HOOK1: variants seen among roughly 807,000 people sequenced by gnomAD.
The protein encoded by HOOK1 is hook microtubule tethering protein 1.
In HOOK1, 60 loss-of-function variants were observed where a neutral mutation model predicts 112.8. The ratio of observed to expected loss-of-function variants is 0.53; its 90% CI spans 0.43 to 0.66. The LOEUF is 0.66. HOOK1 is among the 30% of genes least tolerant of loss of function. The pLI, the probability that HOOK1 is intolerant of heterozygous loss-of-function variation, is 0.00. For missense variants in HOOK1, 770 were observed against 856.0 expected (o/e 0.90, Z 1.25); for synonymous variants, 294 against 283.8 (o/e 1.04, Z -0.36).
At chr1:59,820,200 C>T (rs1356741079) in intron 1 of HOOK1, among the ~76,000 whole-genome samples, 2 of 152,170 alleles carry the variant, frequency 1.3e-5, no homozygotes, top group African/African-American at 4.8e-5. Context: ...TTTCTAGGCC[C>T]TATACTTGGA....
chr1:59,835,450 A>C, intron 6 of HOOK1, 38 bp downstream of exon 6: 1 of 1,173,180 alleles, frequency 8.5e-7, no homozygotes, highest in Non-Finnish European at 1.2e-6. Flanking sequence ...TAAAAATCCT[A>C]AACCAAATTA....
chr1:59,822,825 G>A (rs946886973), intron 2 of HOOK1, among the ~76,000 whole-genome samples: 1 of 152,136 alleles, frequency 6.6e-6, no homozygotes, highest in African/African-American at 2.4e-5. Flanking sequence ...TCCTATGCCT[G>A]TCTTAGAAAA....
chr1:59,821,824 A>C lies in HOOK1; in HGVS notation c.64-34A>C. Reference sequence around the variant, plus strand: ...GTAATGCTACCTTGTAGGTATAAAGAAGCAGTAAGATCATTTGATTTATGT... The same window carrying C: ...GTAATGCTACCTTGTAGGTATAAAGCAGCAGTAAGATCATTTGATTTATGT... On this transcript the variant is annotated intron_variant, in intron 1 of 21. Transcript: ENST00000371208. 2.8e-6 allele frequency: 4 copies of C among 1,434,084 alleles called. No homozygotes were observed. The South Asian group carries it at 5.3e-5, about 19-fold the overall frequency. 88.8% of individuals were successfully genotyped at this position (1,434,084 alleles called of 1,614,324 possible).
intron 15 of HOOK1, among the ~76,000 whole-genome samples, chr1:59,861,773 G>T (rs909713161): frequency 1.3e-5 from 2 of 152,098 alleles, no homozygotes; most frequent in Non-Finnish European, 2.9e-5. Flanking sequence ...TACTATAAGG[G>T]TATTTGGATT....
At chr1:59,852,631 CTATTT>C (rs1358647805) in intron 12 of HOOK1, among the ~76,000 whole-genome samples, 2 of 148,494 alleles carry the variant, frequency 1.3e-5, no homozygotes, top group Admixed American at 6.7e-5. Context: ...TTTCTATTCT[CTATTT>C]TATTTATTTT....
chr1:59,855,984 ATTTTTTTTTT>A (rs1167413179), intron 12 of HOOK1, among the ~76,000 whole-genome samples: 1 of 60,298 alleles, frequency 1.7e-5, no homozygotes, highest in African/African-American at 1.0e-4. Flanking sequence ...ATATATATAT[ATTTTTTTTTT>A]TTTTTTTTTT....
intron 12 of HOOK1, among the ~76,000 whole-genome samples, chr1:59,849,574 T>A (rs2098406027): frequency 6.6e-6 from 1 of 151,640 alleles, no homozygotes; most frequent in Admixed American, 6.6e-5. Flanking sequence ...ACTACCATCA[T>A]CATAATCATA....
intron 2 of HOOK1, among the ~76,000 whole-genome samples, chr1:59,825,120 C>G (rs1168791163): frequency 6.6e-6 from 1 of 152,184 alleles, no homozygotes; most frequent in African/African-American, 2.4e-5. Context: ...GTCTGTGTCT[C>G]TTTTCTTATA....
At chr1:59,827,988 ATAGTT>A (rs2098391191) in intron 2 of HOOK1, among the ~76,000 whole-genome samples, 1 of 152,182 alleles carries the variant, frequency 6.6e-6, no homozygotes, top group Non-Finnish European at 1.5e-5. Context: ...TCCTTCGAGT[ATAGTT>A]ATTTGTGCTT....
At chr1:59,855,162 G>A (rs1376618681) in intron 12 of HOOK1, among the ~76,000 whole-genome samples, 1 of 152,166 alleles carries the variant, frequency 6.6e-6, no homozygotes, top group Non-Finnish European at 1.5e-5. Flanking sequence ...TAGGTTCAGG[G>A]ATACATATGA....
At chr1:59,847,493 C>A (rs528236061) in intron 10 of HOOK1, among the ~76,000 whole-genome samples, 1 of 151,614 alleles carries the variant, frequency 6.6e-6, no homozygotes, top group South Asian at 2.1e-4. Flanking sequence ...CTGTACCTGT[C>A]ATATTTTGTG....
At chr1:59,835,229 A>G (rs2098396716) in intron 5 of HOOK1, 116 bp from the exon 6 acceptor site, 1 of 675,206 alleles carries the variant, frequency 1.5e-6, no homozygotes, top group Non-Finnish European at 2.7e-6. Flanking sequence ...CAAATAATGT[A>G]TTTACATAAA....
chr1:59,858,044 T>A (rs1235754759), intron 12 of HOOK1, among the ~76,000 whole-genome samples: 1 of 152,212 alleles, frequency 6.6e-6, no homozygotes, highest in Non-Finnish European at 1.5e-5. Flanking sequence ...AGTATTCCTA[T>A]TTTGAAGTTA....
chr1:59,869,434 T>C (rs12401290), intron 20 of HOOK1, among the ~76,000 whole-genome samples: 27,722 of 152,044 alleles, frequency 0.18, 3,292 homozygotes, highest in African/African-American at 0.34. Context: ...TCAAGTGATC[T>C]GCTCTCCTCA....
At chr1:59,824,562 G>T (rs562539001) in intron 2 of HOOK1, among the ~76,000 whole-genome samples, 8 of 152,246 alleles carry the variant, frequency 5.3e-5, no homozygotes, top group Admixed American at 2.6e-4. Flanking sequence ...CTGACATCGT[G>T]TCACATCAAA....
intron 7 of HOOK1, among the ~76,000 whole-genome samples, chr1:59,837,183 A>G (rs1444976129): frequency 6.6e-6 from 1 of 152,200 alleles, no homozygotes; most frequent in East Asian, 1.9e-4. Context: ...ACCATGCTGT[A>G]TGGTAACACA....
At position 59,865,916 on chromosome 1, in the gene HOOK1, G is replaced by A. The variant is rs1027530416; in HGVS notation, c.1789G>A (p.Glu597Lys). The A allele has an allele frequency of 6.3e-7, 1 of 1,596,606 alleles. No homozygotes were observed. The highest frequency in any genetic ancestry group is 1.4e-5 in the African/African-American group (1 of 73,888). ...TGAAGCTGCTCTTCAGAAGAAAGATGAAGATATGAAAGCAATGGAGGAAAG... is the reference window on the plus strand; with the variant it reads ...TGAAGCTGCTCTTCAGAAGAAAGATAAAGATATGAAAGCAATGGAGGAAAG... The part of the protein sequence containing the change: ...ELEAALQKKD[E>K]DMKAMEERYK... Residue 597 changes from glutamate to lysine, a missense_variant, in exon 19 of 22, where the codon GAA becomes AAA. Around this residue, in one of 3 missense-constraint regions of HOOK1, gnomAD observed 655 missense variants for 725.9 expected, o/e 0.90. Coordinates refer to ENST00000371208, the MANE Select transcript of HOOK1 (RefSeq NM_015888.6).
intron 20 of HOOK1, among the ~76,000 whole-genome samples, chr1:59,870,563 C>T (rs1273973034): frequency 4.6e-5 from 7 of 152,270 alleles, no homozygotes; most frequent in South Asian, 2.1e-4. Context: ...CACATAAATA[C>T]GGCTATGGAA....
At chr1:59,843,845 G>A (rs1440354551) in intron 9 of HOOK1, among the ~76,000 whole-genome samples, 2 of 152,000 alleles carry the variant, frequency 1.3e-5, no homozygotes, top group Non-Finnish European at 2.9e-5. Context: ...CAAGGCCATA[G>A]GACAGCCAAT....
Sources: gnomAD v4.1 joint callset for allele counts (sites outside exome capture counted in the v4.1 genomes callset) on GRCh38, gnomAD v4.1.1 for gene constraint, gnomAD v4.1.1 regional missense constraint, MANE v1.5 for transcripts, NCBI Gene and HGNC (gene_info 2026-07-23, HGNC 2026-07-21) for gene names.